The following LRRC71 variants were observed in gnomAD, a reference collection of about 807,000 sequenced individuals.
The protein encoded by LRRC71 is leucine-rich repeat-containing protein 71.
LRRC71 carries 54 observed loss-of-function variants against 66.6 expected under a neutral mutation model. That is an observed-to-expected ratio of 0.81 (90% confidence interval 0.65 to 1.02). LRRC71 has a LOEUF of 1.02. Among genes scored for constraint, LRRC71 ranks in the 50% least tolerant of loss-of-function variants. The pLI is 0.00. For synonymous variants in LRRC71, 323 were observed against 303.9 expected, an observed-to-expected ratio of 1.06 and a Z score of -0.65; for missense variants, 724 against 718.0, an observed-to-expected ratio of 1.01 and a Z score of -0.10.
chr1:156,928,362 C>CGT (rs1445308488), intron 9 of LRRC71, among the ~76,000 whole-genome samples: 2 of 140,846 alleles, frequency 1.4e-5, no homozygotes, highest in Non-Finnish European at 3.1e-5. Flanking sequence ...TCTTCTTCTT[C>CGT]CTCTTCTTCT....
chr1:156,929,996 GC>G lies in LRRC71; in HGVS notation c.1240+272del, dbSNP rs1362129533. Among the ~76,000 whole-genome samples, 5 of 150,868 alleles carry G rather than the reference GC, an allele frequency of 3.3e-5. No homozygotes were observed. In the East Asian group the frequency reaches 7.8e-4, roughly 24 times the overall value. On this transcript the variant is annotated intron_variant, in intron 11 of 14. Coordinates refer to ENST00000337428, the MANE Select transcript of LRRC71 (RefSeq NM_144702.3). ...CAAAGAACCCATACACCTAGCTGGG[GC>G]CCCCTCCAGCCATTTCTTTTTTCTT...
rs1317218940 is a variant in LRRC71 at position 156,928,328 on chromosome 1, T to TC, written c.996+325dup. ...TACTAAACAACTTCTTCTTCTTCTT[T>TC]CTTTTTTCTTTCTTCTTTCTTTCTC... is the stretch of plus-strand genomic sequence containing the variant. On this transcript the variant is annotated intron_variant, in intron 9 of 14. Transcript: ENST00000337428. 1.4e-4 allele frequency among the ~76,000 whole-genome samples: 21 copies of TC among 152,088 alleles called. No individual in the cohort carries two copies. In the East Asian group the frequency reaches 4.1e-3, roughly 29 times the overall value.
rs1553189671 is a variant in LRRC71 at position 156,930,044 on chromosome 1, C to CTCTTTCTTTCTTTT, written c.1240+328_1240+329insTTCTTTCTTTCTTT. 9.7e-3 allele frequency among the ~76,000 whole-genome samples: 1,237 copies of CTCTTTCTTTCTTTT among 127,956 alleles called. 19 individuals carry two copies. Among genetic ancestry groups the CTCTTTCTTTCTTTT allele is most frequent in the African/African-American group, 0.033 (1,068 of 32,642 alleles). The allele number at this position is 127,956 out of a possible 152,430, so 83.9% of individuals were successfully genotyped here. A position where few individuals can be genotyped will look rare whatever the true frequency, so the allele number is the denominator to read the frequency against. On this transcript the variant is annotated intron_variant, in intron 11 of 14. Transcript: ENST00000337428. ...TCTTTTCTTTTCTTTTTCTTTCTTT[C>CTCTTTCTTTCTTTT]TCTTTCTTTCTTTCTTTTTCTTTCT...
At chr1:156,923,814 G>T in intron 1 of LRRC71, 135 bp from the exon 2 acceptor site, 1 of 904,824 alleles carries the variant, frequency 1.1e-6, no homozygotes, top group Non-Finnish European at 1.6e-6. Flanking sequence ...TTCAGCGTCC[G>T]TACTTCCAAG....
chr1:156,933,733 G>A (rs1419632321), downstream of LRRC71, among the ~76,000 whole-genome samples: 1 of 152,234 alleles, frequency 6.6e-6, no homozygotes, highest in Non-Finnish European at 1.5e-5. Context: ...AGTGCCCAGA[G>A]AGCACAGGAC....
At chr1:156,925,188 G>A (rs778661030) in intron 5 of LRRC71, among the ~76,000 whole-genome samples, 173 bp downstream of exon 5, 45 of 152,172 alleles carry the variant, frequency 3.0e-4, no homozygotes, top group Non-Finnish European at 4.7e-4. Context: ...CATTAGACAA[G>A]AAGCCAGGTC....
chr1:156,937,457 T>C, downstream of LRRC71: 1 of 1,542,572 alleles, frequency 6.5e-7, no homozygotes, highest in Non-Finnish European at 8.7e-7. Context: ...GGTGCTTGAG[T>C]CCGGGGGTCC....
At chr1:156,939,082 C>G in the LRRC71 span, 1 of 213,082 alleles carries the variant, frequency 4.7e-6, no homozygotes, top group Non-Finnish European at 9.3e-6. Context: ...TCCTCCACCC[C>G]TTCCAGTCCC....
chr1:156,929,551 G>A (rs549932046), intron 10 of LRRC71, 85 bp from the exon 11 acceptor site: 9 of 1,537,814 alleles, frequency 5.9e-6, no homozygotes, highest in African/African-American at 1.4e-5. Context: ...CTAAGGCCCC[G>A]GGTCCTAACC....
In LRRC71 at chr1:156,928,384, T is replaced by TTCTTCTTCTTCTTCTTCTTCTTCTTC. The variant is rs1653627652; in HGVS notation, c.996+403_996+404insTTCTCTTCTTCTTCTTCTTCTTCTTC. ...CTTCCTCTTCTTCTTCTTCTTCTTC[T>TTCTTCTTCTTCTTCTTCTTCTTCTTC]TCTTCTTCTTCTTCTTCTTCTTCCT... is the stretch of plus-strand genomic sequence containing the variant. On this transcript the variant is annotated intron_variant, in intron 9 of 14. Transcript: ENST00000337428. Among the ~76,000 whole-genome samples the TTCTTCTTCTTCTTCTTCTTCTTCTTC allele has an allele frequency of 1.5e-5, 2 of 135,550 alleles. 1 individual carries two copies. The allele number at this position is 135,550 out of a possible 152,430, so 88.9% of individuals were successfully genotyped here.
In LRRC71 at chr1:156,927,968, C is replaced by T. The variant is rs755439130; in HGVS notation, c.960C>T (p.Leu320=). 1.2e-6 allele frequency: 2 copies of T among 1,610,616 alleles called. No homozygotes were observed. The highest frequency in any genetic ancestry group is 3.3e-5 in the Admixed American group (2 of 59,724). The change falls in exon 9 of 15, where the codon CTC becomes CTT. Residue 320 remains leucine, a synonymous_variant. Transcript: ENST00000337428. ...CCGAAGTGGTGGAGCGCCGACGCCT[C>T]CTGCTGGAAAAAGGGACACAGGAGC... The part of the protein sequence containing the change: ...THTEVVERRR[L]LLEKGTQERS...
Position 156,920,770 on chromosome 1 carries a change from C to T in LRRC71, c.-34C>T. The T allele has an allele frequency of 6.8e-7, 1 of 1,474,372 alleles. No homozygotes were observed. Among genetic ancestry groups the T allele is most frequent in the Non-Finnish European group, 9.0e-7 (1 of 1,108,958 alleles). The allele number at this position is 1,474,372 out of a possible 1,614,324, so 91.3% of individuals were successfully genotyped here. A position where few individuals can be genotyped will look rare whatever the true frequency, so the allele number is the denominator to read the frequency against. On this transcript the variant is annotated 5_prime_UTR_variant, in exon 1 of 15. It adds an upstream start codon to the 5' untranslated region. Transcript: ENST00000337428. This position sits in a 1 kb window ranked among gnomAD's most constrained non-coding sequence, Gnocchi z 4.9. ...GTGCGTTCTTACCTTCCTGCCCCGA[C>T]GAAGGTCCCAGAGACGCTGCGGACA...
chr1:156,922,348 C>A (rs1467723281), intron 1 of LRRC71, among the ~76,000 whole-genome samples: 2 of 152,104 alleles, frequency 1.3e-5, no homozygotes, highest in African/African-American at 4.8e-5. Context: ...GGGAGTGATG[C>A]CTGCACAGGC....
chr1:156,927,701 G>A lies in LRRC71; in HGVS notation c.823-32G>A. The A allele has an allele frequency of 2.5e-6, 4 of 1,606,154 alleles. No homozygotes were observed. The South Asian group carries it at 3.3e-5, about 13-fold the overall frequency. On this transcript the variant is annotated intron_variant, in intron 7 of 14. Transcript: ENST00000337428. ...GACCTGCTGGGAGCAGGGGCGGCTT[G>A]GGCGGCTCACGCGTCCCTGCCCGCC...
intron 5 of LRRC71, 42 bp downstream of exon 5, chr1:156,925,057 T>C (rs1371271206): frequency 6.5e-7 from 1 of 1,541,580 alleles, no homozygotes; most frequent in Non-Finnish European, 8.8e-7. Flanking sequence ...GAAGCCTGGC[T>C]GGGCGGGTGG....
downstream of LRRC71, chr1:156,935,737 C>A: frequency 2.1e-6 from 1 of 477,062 alleles, no homozygotes; most frequent in Non-Finnish European, 3.7e-6. Flanking sequence ...TGAGTGGGGG[C>A]CTTTCGGATG....
downstream of LRRC71, chr1:156,936,054 A>G (rs756003624): frequency 3.7e-6 from 6 of 1,614,058 alleles, no homozygotes; most frequent in South Asian, 6.6e-5. Flanking sequence ...GGGGGGCGTC[A>G]GAGCCTGTGG....
In LRRC71 at chr1:156,931,962, T is replaced by C; in HGVS notation, c.1376T>C (p.Val459Ala). ...TEVVNPLLEP[V>A]EHRDGKVFMP... ...GTGGTCAACCCTCTCCTGGAGCCTG[T>C]GGAGCACCGAGATGGGAAAGTTTTC... The change falls in exon 13 of 15, where the codon GTG becomes GCG. Residue 459 changes from valine to alanine, a missense_variant. Val to Ala is a moderately conservative substitution (Grantham distance 64). Transcript: ENST00000337428. The C allele has an allele frequency of 6.2e-7, 1 of 1,600,922 alleles. No homozygotes were observed. The highest frequency in any genetic ancestry group is 8.5e-7 in the Non-Finnish European group (1 of 1,173,628).
chr1:156,937,561 C>T (rs534762547), downstream of LRRC71: 1 of 1,478,668 alleles, frequency 6.8e-7, no homozygotes, highest in African/African-American at 1.4e-5. Flanking sequence ...TCCTCCCGTT[C>T]CTGTGGGATT....
Sources: allele counts gnomAD v4.1 joint callset (sites outside exome capture counted in the v4.1 genomes callset), GRCh38; gene constraint gnomAD v4.1.1; non-coding constraint Gnocchi (gnomAD v3.1); transcripts MANE v1.5; gene names NCBI Gene and HGNC (gene_info 2026-07-23, HGNC 2026-07-21).